The following KLHL29 variants were observed in gnomAD, a reference collection of about 807,000 sequenced individuals.
KLHL29 encodes kelch like family member 29.
A neutral mutation model predicts 80.4 loss-of-function variants in KLHL29; 21 were observed. That is an observed-to-expected ratio of 0.26 (90% CI 0.19 to 0.38). KLHL29 has a LOEUF of 0.38. Among genes scored for constraint, KLHL29 ranks in the 10% least tolerant of loss-of-function variants. KLHL29 has a pLI of 1.00. For missense variants in KLHL29, 867 were observed against 1,223.9 expected (o/e 0.71, Z 4.35); for synonymous variants, 511 against 526.8 (o/e 0.97, Z 0.41).
intron 3 of KLHL29, among the ~76,000 whole-genome samples, chr2:23,633,995 G>A (rs1302248053): frequency 6.6e-6 from 1 of 152,144 alleles, no homozygotes; most frequent in African/African-American, 2.4e-5. Flanking sequence ...ATGGGAGCGA[G>A]ACAACATCAT....
intron 5 of KLHL29, among the ~76,000 whole-genome samples, chr2:23,671,217 G>C (rs1336802254): frequency 6.6e-6 from 1 of 151,758 alleles, no homozygotes; most frequent in Admixed American, 6.6e-5. Context: ...TTATTTGCTG[G>C]AACTGTGGCT....
chr2:23,523,141 G>A (rs942803999), intron 2 of KLHL29, among the ~76,000 whole-genome samples: 3 of 152,224 alleles, frequency 2.0e-5, no homozygotes, highest in Admixed American at 2.0e-4. Flanking sequence ...ACCAGCACCA[G>A]TGTGCATTTT....
chr2:23,480,600 A>G lies in KLHL29; in HGVS notation c.-46+4933A>G, dbSNP rs1225216640. ...AAACTTTAACCACTACTTTCAACTCATAGGTGTTATTACCAAGTTCCTGAA... is the reference window on the plus strand; with the variant it reads ...AAACTTTAACCACTACTTTCAACTCGTAGGTGTTATTACCAAGTTCCTGAA... On this transcript the variant is annotated intron_variant, in intron 2 of 13. Coordinates refer to ENST00000486442, the MANE Select transcript of KLHL29 (RefSeq NM_052920.2). Among the ~76,000 whole-genome samples, 7 of 152,240 alleles carry G rather than the reference A, an allele frequency of 4.6e-5. No individual in the cohort carries two copies. The South Asian group carries it at 1.4e-3, about 32-fold the overall frequency.
intron 2 of KLHL29, among the ~76,000 whole-genome samples, chr2:23,484,600 C>T (rs1171331872): frequency 1.3e-5 from 2 of 152,212 alleles, no homozygotes; most frequent in Non-Finnish European, 2.9e-5. Context: ...TGGGATGGCC[C>T]CGCCAGCCAG....
intron 2 of KLHL29, among the ~76,000 whole-genome samples, chr2:23,492,484 G>A (rs1230303350): frequency 6.6e-6 from 1 of 152,184 alleles, no homozygotes; most frequent in East Asian, 1.9e-4. Context: ...ATTGGACGAG[G>A]GGCAGATACC....
intron 1 of KLHL29, among the ~76,000 whole-genome samples, chr2:23,391,520 C>T (rs967627954): frequency 2.6e-5 from 4 of 152,082 alleles, no homozygotes; most frequent in Non-Finnish European, 4.4e-5. Flanking sequence ...CTCTGCCTCC[C>T]GCGTTCAAGG....
intron 2 of KLHL29, among the ~76,000 whole-genome samples, chr2:23,555,640 G>A (rs1667268451): frequency 6.6e-6 from 1 of 152,238 alleles, no homozygotes; most frequent in South Asian, 2.1e-4. Flanking sequence ...GTCAGGTGGA[G>A]GACACTTTTT....
At chr2:23,444,294 T>G (rs1663613628) in intron 1 of KLHL29, among the ~76,000 whole-genome samples, 1 of 152,184 alleles carries the variant, frequency 6.6e-6, no homozygotes, top group East Asian at 1.9e-4. Context: ...CTTAACTTTT[T>G]ACCTTTTTAT....
intron 3 of KLHL29, among the ~76,000 whole-genome samples, chr2:23,594,931 C>T (rs931873522): frequency 6.6e-6 from 1 of 152,172 alleles, no homozygotes; most frequent in Non-Finnish European, 1.5e-5. Context: ...TAGTGTTCCT[C>T]CTACAAAGCA....
At chr2:23,671,338 G>A (rs1045335301) in intron 5 of KLHL29, among the ~76,000 whole-genome samples, 11 of 151,886 alleles carry the variant, frequency 7.2e-5, no homozygotes, top group South Asian at 4.2e-4. Context: ...TTCTCTCTGC[G>A]TCTCTTTCCA....
Position 23,441,776 on chromosome 2 carries a change from C to T in KLHL29, c.-153-33784C>T, listed in dbSNP as rs1037499050. 6.6e-5 allele frequency among the ~76,000 whole-genome samples: 10 copies of T among 152,106 alleles called. 1 individual carries two copies. Among genetic ancestry groups the T allele is most frequent in the East Asian group, 1.9e-4 (1 of 5,192 alleles). Reference sequence around the variant, plus strand: ...TCCATGTGGCCTCTCCATGTGGTTACGTTGGGCTTTTCACAGCATGATGGT... The same window carrying T: ...TCCATGTGGCCTCTCCATGTGGTTATGTTGGGCTTTTCACAGCATGATGGT... On this transcript the variant is annotated intron_variant, in intron 1 of 13. Coordinates refer to ENST00000486442, the MANE Select transcript of KLHL29 (RefSeq NM_052920.2).
intron 2 of KLHL29, among the ~76,000 whole-genome samples, chr2:23,558,490 C>T (rs1382787185): frequency 6.6e-6 from 1 of 151,226 alleles, no homozygotes; most frequent in Non-Finnish European, 1.5e-5. Context: ...CAACCTCCAC[C>T]TCCCGGGTTC....
At chr2:23,610,402 C>T (rs1411542325) in intron 3 of KLHL29, among the ~76,000 whole-genome samples, 1 of 152,184 alleles carries the variant, frequency 6.6e-6, no homozygotes, top group East Asian at 1.9e-4. Context: ...GTTTCATGGA[C>T]ATTTTCTTCA....
chr2:23,395,990 G>A (rs1039247117), intron 1 of KLHL29, among the ~76,000 whole-genome samples: 4 of 152,220 alleles, frequency 2.6e-5, no homozygotes, highest in African/African-American at 9.6e-5. Context: ...ATTCTTCACC[G>A]CAGGTAGGCG....
At position 23,696,980 on chromosome 2, in the gene KLHL29, A is replaced by C. The variant is rs1572521166; in HGVS notation, c.2105+467A>C. 1 of 162,090 alleles carries C rather than the reference A, an allele frequency of 6.2e-6. No individual in the cohort carries two copies. Among genetic ancestry groups the C allele is most frequent in the African/African-American group, 2.4e-5 (1 of 41,518 alleles). The allele number at this position is 162,090 out of a possible 1,614,324, so 10.0% of individuals were successfully genotyped here. ...CTTGTCCTGCCAAGCGGGGGGTCCC[A>C]CACCAGGGAGCTCCCTTCCTCCCTC... On this transcript the variant is annotated intron_variant, in intron 11 of 13. Transcript: ENST00000486442. The surrounding 1 kb of genome is among the most constrained non-coding windows in gnomAD (Gnocchi z 5.5).
intron 2 of KLHL29, among the ~76,000 whole-genome samples, chr2:23,504,110 G>GC (rs1665528220): frequency 6.6e-6 from 1 of 152,182 alleles, no homozygotes. Context: ...ATTCTTGAGA[G>GC]CAATCCCAGG....
At chr2:23,507,146 G>C (rs1320539074) in intron 2 of KLHL29, 3 of 434,236 alleles carry the variant, frequency 6.9e-6, no homozygotes, top group South Asian at 3.3e-5. Flanking sequence ...GTGCCCAGCT[G>C]TTGGTGGCGC....
chr2:23,464,415 G>C (rs542559721), intron 1 of KLHL29, among the ~76,000 whole-genome samples: 1 of 152,116 alleles, frequency 6.6e-6, no homozygotes. Flanking sequence ...GCTGCCTTCG[G>C]GGGGGATAAC....
At position 23,562,227 on chromosome 2, in the gene KLHL29, G is replaced by C. The variant is rs1307228286; in HGVS notation, c.31G>C (p.Asp11His). 6.4e-7 allele frequency: 1 copy of C among 1,550,722 alleles called. No individual in the cohort carries two copies. The highest frequency in any genetic ancestry group is 1.2e-5 in the South Asian group (1 of 84,054). Reference protein sequence around the residue: MSRHHSRFERDYRVGWDRREW... With the variant: MSRHHSRFERHYRVGWDRREW... ...CCGGCACCATAGCCGCTTCGAAAGA[G>C]ATTACCGGGTGGGCTGGGACCGCCG... The change falls in exon 3 of 14, where the codon GAT becomes CAT. Residue 11 changes from aspartate (D) to histidine (H), a missense_variant. Asp to His is a moderately conservative substitution (Grantham distance 81). Transcript: ENST00000486442. The surrounding 1 kb of genome is among the most constrained non-coding windows in gnomAD (Gnocchi z 4.5).
Sources: gnomAD v4.1 joint callset for allele counts (sites outside exome capture counted in the v4.1 genomes callset) on GRCh38, gnomAD v4.1.1 for gene constraint, Gnocchi (gnomAD v3.1) non-coding constraint, MANE v1.5 for transcripts, NCBI Gene and HGNC (gene_info 2026-07-23, HGNC 2026-07-21) for gene names.